CCDC171: variants seen among roughly 807,000 people sequenced by gnomAD.
The protein encoded by CCDC171 is coiled-coil domain containing 171.
In CCDC171, 177 loss-of-function variants were observed where a neutral mutation model predicts 168.2. The observed-to-expected ratio is 1.05, with a 90% CI of 0.93 to 1.19. The LOEUF is 1.19. Among genes scored for constraint, CCDC171 ranks in the 50% most tolerant of loss-of-function variants. The pLI is 0.00. For missense variants in CCDC171, 1,991 were observed against 1,539.0 expected (o/e 1.29, Z -4.91); for synonymous variants, 687 against 540.8 (o/e 1.27, Z -3.75).
At chr9:16,049,815 G>A (rs976611491) in intron 1 of CCDC171, among the ~76,000 whole-genome samples, 1 of 152,068 alleles carries the variant, frequency 6.6e-6, no homozygotes, top group African/African-American at 2.4e-5. Flanking sequence ...TATCCTATTG[G>A]TTCTGTCTCT....
At chr9:15,974,180 G>T (rs972379218), downstream of CCDC171, 1 of 151,702 alleles carries the variant, frequency 6.6e-6, no homozygotes, top group Non-Finnish European at 1.5e-5. Flanking sequence ...GAAACTGAAG[G>T]ATGAACCTCC....
intron 9 of CCDC171, 70 bp from the exon 10 acceptor site, chr9:15,678,688 A>G (rs763810921): frequency 4.6e-6 from 6 of 1,309,708 alleles, no homozygotes; most frequent in South Asian, 1.5e-5. Flanking sequence ...TGCCATATGT[A>G]TTAAAGGTGT....
chr9:15,649,588 G>T (rs1049420177), intron 7 of CCDC171, among the ~76,000 whole-genome samples: 4 of 152,186 alleles, frequency 2.6e-5, no homozygotes, highest in Admixed American at 6.5e-5. Context: ...AGTGGGTGAA[G>T]GATATGAACA....
chr9:15,985,200 T>C (rs1221974970), intron 3 of CCDC171, among the ~76,000 whole-genome samples: 1 of 152,176 alleles, frequency 6.6e-6, no homozygotes, highest in Non-Finnish European at 1.5e-5. Context: ...TCCATAATTA[T>C]GTGGCAAATG....
intron 6 of CCDC171, among the ~76,000 whole-genome samples, chr9:16,025,415 C>T (rs976909434): frequency 6.6e-6 from 1 of 152,256 alleles, no homozygotes; most frequent in East Asian, 1.9e-4. Context: ...GATTGCGCCA[C>T]GGCACTGCAG....
intron 2 of CCDC171, among the ~76,000 whole-genome samples, chr9:15,569,990 G>T (rs1290632267): frequency 7.0e-6 from 1 of 143,228 alleles, no homozygotes; most frequent in Non-Finnish European, 1.5e-5. Context: ...TTTTTTTTGA[G>T]ATGGAGTTTT....
intron 10 of CCDC171, among the ~76,000 whole-genome samples, chr9:15,691,939 G>A (rs2050830215): frequency 6.6e-6 from 1 of 152,086 alleles, no homozygotes; most frequent in South Asian, 2.1e-4. Context: ...CTCCCAAAGT[G>A]CTGGGATTAC....
downstream of CCDC171, among the ~76,000 whole-genome samples, chr9:15,976,525 A>G (rs1447785518): frequency 6.6e-6 from 1 of 152,062 alleles, no homozygotes; most frequent in African/African-American, 2.4e-5. Flanking sequence ...TTAAAGATCT[A>G]CTTTAAATGA....
chr9:15,654,211 A>C (rs2047746223), intron 7 of CCDC171, among the ~76,000 whole-genome samples: 1 of 152,218 alleles, frequency 6.6e-6, no homozygotes, highest in Non-Finnish European at 1.5e-5. Context: ...TAAAAAAAAA[A>C]AACCAAAACT....
At chr9:15,629,989 T>A (rs1389230011) in intron 7 of CCDC171, among the ~76,000 whole-genome samples, 3 of 152,124 alleles carry the variant, frequency 2.0e-5, no homozygotes, top group Non-Finnish European at 4.4e-5. Context: ...AGAGATTTTG[T>A]CACCACCAGG....
intron 3 of CCDC171, among the ~76,000 whole-genome samples, chr9:16,010,799 G>T (rs948264018): frequency 2.2e-4 from 33 of 151,288 alleles, no homozygotes; most frequent in Non-Finnish European, 3.5e-4. Context: ...AAAAAGACCA[G>T]TTTATAACCA....
intron 3 of CCDC171, among the ~76,000 whole-genome samples, chr9:15,573,135 G>A (rs1489032347): frequency 6.6e-6 from 1 of 151,988 alleles, no homozygotes; most frequent in Non-Finnish European, 1.5e-5. Context: ...ACTCCAGCCT[G>A]GGCAACAGAG....
At chr9:15,933,512 T>A (rs1826762932) in intron 25 of CCDC171, among the ~76,000 whole-genome samples, 1 of 152,048 alleles carries the variant, frequency 6.6e-6, no homozygotes, top group Non-Finnish European at 1.5e-5. Context: ...CTTTTAAAAA[T>A]TATTTCCATC....
intron 1 of CCDC171, among the ~76,000 whole-genome samples, chr9:16,048,965 C>G (rs2133067858): frequency 6.7e-6 from 1 of 149,208 alleles, no homozygotes; most frequent in South Asian, 2.1e-4. Context: ...AAAAAAAAAC[C>G]CAAACACCAT....
intron 22 of CCDC171, among the ~76,000 whole-genome samples, chr9:15,847,850 A>G (rs1337368304): frequency 3.3e-5 from 5 of 152,122 alleles, no homozygotes; most frequent in Non-Finnish European, 7.4e-5. Context: ...TAATGAAAAC[A>G]TGAATTGACA....
chr9:15,902,149 C>A (rs1563966853), intron 24 of CCDC171, among the ~76,000 whole-genome samples: 1 of 151,874 alleles, frequency 6.6e-6, no homozygotes, highest in Non-Finnish European at 1.5e-5. Flanking sequence ...ACTAACTGCT[C>A]TGAGTTTTGC....
chr9:15,586,051 TA>T (rs1169313359), intron 4 of CCDC171, among the ~76,000 whole-genome samples: 1 of 152,138 alleles, frequency 6.6e-6, no homozygotes, highest in Non-Finnish European at 1.5e-5. Context: ...ATTTTATCTG[TA>T]AAAAAATAAA....
chr9:16,099,611 C>T, the CCDC171 span, among the ~76,000 whole-genome samples: 1 of 152,170 alleles, frequency 6.6e-6, no homozygotes, highest in Non-Finnish European at 1.5e-5. Flanking sequence ...GTGGAAGGCA[C>T]CTTTGTAGGA....
intron 19 of CCDC171, 50 bp from the exon 20 acceptor site, chr9:15,778,918 T>C (rs2057498407): frequency 8.0e-7 from 1 of 1,256,402 alleles, no homozygotes; most frequent in East Asian, 2.7e-5. Context: ...ATTGCTATTG[T>C]TAGTAAATCT....
Sources: allele counts gnomAD v4.1 joint callset (sites outside exome capture counted in the v4.1 genomes callset), GRCh38; gene constraint gnomAD v4.1.1; transcripts MANE v1.5; gene names NCBI Gene and HGNC (gene_info 2026-07-23, HGNC 2026-07-21).